RBM44: variants seen among roughly 807,000 people sequenced by gnomAD.
The protein encoded by RBM44 is RNA binding motif protein 44.
Under a neutral mutation model 105.1 loss-of-function variants are expected in RBM44, and 66 were observed. The observed-to-expected ratio is 0.63, with a 90% confidence interval of 0.52 to 0.77. The LOEUF (loss-of-function observed/expected upper bound fraction) is 0.77. Ranked by LOEUF, RBM44 falls within the 30% of genes least tolerant of loss-of-function variation. RBM44 has a pLI of 0.00. For synonymous variants in RBM44, 365 were observed against 417.6 expected, an observed-to-expected ratio of 0.87 and a Z score of 1.54; for missense variants, 1,122 against 1,207.8, an observed-to-expected ratio of 0.93 and a Z score of 1.05.
intron 1 of RBM44, among the ~76,000 whole-genome samples, chr2:237,806,127 G>A (rs2061597428): frequency 6.6e-6 from 1 of 152,160 alleles, no homozygotes; most frequent in Non-Finnish European, 1.5e-5. Flanking sequence ...AAGGAAGTTT[G>A]TCCACCTGAG....
At chr2:237,838,527 G>C (rs2061981018) in intron 15 of RBM44, among the ~76,000 whole-genome samples, 1 of 152,076 alleles carries the variant, frequency 6.6e-6, no homozygotes, top group Non-Finnish European at 1.5e-5. Context: ...ATGTTTTATA[G>C]GTTCTAATAT....
At position 237,817,792 on chromosome 2, in the gene RBM44, C is replaced by A; in HGVS notation, c.873C>A (p.His291Gln). The change falls in exon 3 of 16, where the codon CAC becomes CAA. Residue 291 changes from histidine to glutamine, a missense_variant. His to Gln is a conservative substitution (Grantham distance 24, BLOSUM62 0). Coordinates refer to ENST00000316997, the MANE Select transcript of RBM44 (RefSeq NM_001080504.3). Reference sequence around the variant, plus strand: ...AACAAGAGACTAATTCAATGTACCACACTGTATTTGATGGCAGTGTACTAA... The same window carrying A: ...AACAAGAGACTAATTCAATGTACCAAACTGTATTTGATGGCAGTGTACTAA... Reference protein sequence around the residue: ...YKEQETNSMYHTVFDGSVLRS... With the variant: ...YKEQETNSMYQTVFDGSVLRS... The A allele has an allele frequency of 6.2e-7, 1 of 1,611,670 alleles. No homozygotes were observed. The highest frequency in any genetic ancestry group is 8.5e-7 in the Non-Finnish European group (1 of 1,178,660).
At chr2:237,823,809 CTT>C (rs1055400944) in intron 9 of RBM44, among the ~76,000 whole-genome samples, 7 of 152,022 alleles carry the variant, frequency 4.6e-5, no homozygotes, top group African/African-American at 9.7e-5. Flanking sequence ...AAAATTCTCT[CTT>C]GTATCTAATT....
At chr2:237,832,599 A>G (rs929851931) in intron 13 of RBM44, among the ~76,000 whole-genome samples, 5 of 152,220 alleles carry the variant, frequency 3.3e-5, no homozygotes, top group African/African-American at 1.2e-4. Context: ...AGGGCCGTAC[A>G]GGCTGTTGGT....
At chr2:237,825,761 A>G (rs1362495508) in intron 10 of RBM44, among the ~76,000 whole-genome samples, 1 of 152,094 alleles carries the variant, frequency 6.6e-6, no homozygotes, top group African/African-American at 2.4e-5. Flanking sequence ...GGTATAATGT[A>G]TGTCTTCTGA....
intron 10 of RBM44, 104 bp from the exon 11 acceptor site, chr2:237,827,146 T>G: frequency 1.5e-6 from 1 of 667,572 alleles, no homozygotes; most frequent in South Asian, 2.0e-5. Context: ...TAATAAACTC[T>G]GGGTTAGTAG....
chr2:237,826,278 G>A (rs2061846979), intron 10 of RBM44, among the ~76,000 whole-genome samples: 1 of 152,104 alleles, frequency 6.6e-6, no homozygotes, highest in African/African-American at 2.4e-5. Context: ...CTTCCTGTGT[G>A]CCAGGTATGG....
intron 1 of RBM44, among the ~76,000 whole-genome samples, chr2:237,800,696 TA>T (rs897376754): frequency 5.7e-4 from 85 of 147,866 alleles, no homozygotes; most frequent in African/African-American, 2.1e-3. Flanking sequence ...ATTACCCAAA[TA>T]AAAAAAAATA....
intron 10 of RBM44, 149 bp downstream of exon 10, chr2:237,824,568 A>G (rs1028456280): frequency 4.5e-6 from 3 of 661,934 alleles, no homozygotes; most frequent in Non-Finnish European, 4.8e-6. Context: ...AAGTGAGGAA[A>G]TTGTTCAGTT....
chr2:237,811,182 C>T (rs1233090510), intron 1 of RBM44, among the ~76,000 whole-genome samples: 2 of 152,196 alleles, frequency 1.3e-5, no homozygotes, highest in South Asian at 4.1e-4. Flanking sequence ...TAAACCTCTC[C>T]TCCTCACATA....
At chr2:237,810,690 G>A (rs888641441) in intron 1 of RBM44, among the ~76,000 whole-genome samples, 4 of 152,286 alleles carry the variant, frequency 2.6e-5, no homozygotes, top group Non-Finnish European at 5.9e-5. Context: ...TAGGGCTTAG[G>A]GATATTTATG....
intron 15 of RBM44, among the ~76,000 whole-genome samples, chr2:237,840,187 CAAAAAAAAAAAAA>C (rs34666443): frequency 6.2e-5 from 4 of 64,910 alleles, no homozygotes; most frequent in African/African-American, 1.3e-4. Flanking sequence ...GACTCTATCT[CAAAAAAAAAAAAA>C]AAAAAAAAAA....
intron 1 of RBM44, among the ~76,000 whole-genome samples, chr2:237,804,061 G>A (rs1005780751): frequency 2.6e-5 from 4 of 151,918 alleles, no homozygotes; most frequent in Non-Finnish European, 4.4e-5. Context: ...GTAGAGACAG[G>A]GTTTCACCAT....
intron 13 of RBM44, among the ~76,000 whole-genome samples, chr2:237,833,333 G>A (rs1035065157): frequency 6.6e-6 from 1 of 152,144 alleles, no homozygotes; most frequent in Non-Finnish European, 1.5e-5. Flanking sequence ...TTCCTTTGTT[G>A]AACTTTTATG....
rs184418587 is a variant in RBM44 at position 237,829,265 on chromosome 2, G to A, written c.2649G>A (p.Val883=). The change falls in exon 13 of 16, where the codon GTG becomes GTA. Residue 883 remains valine (V), a synonymous_variant. Coordinates refer to ENST00000316997, the MANE Select transcript of RBM44 (RefSeq NM_001080504.3). ...AAAACAGCGATGCAAAGATAGCTGT[G>A]AAAGAAATGAATGGGATAGAAATAA... ...FTKNSDAKIA[V]KEMNGIEING... is the part of the protein sequence containing the mutation. The A allele has an allele frequency of 1.8e-5, 29 of 1,613,002 alleles. No homozygotes were observed. The highest frequency in any genetic ancestry group is 2.1e-5 in the Non-Finnish European group (25 of 1,179,366).
intron 2 of RBM44, among the ~76,000 whole-genome samples, chr2:237,815,850 G>T (rs1415740463): frequency 6.6e-6 from 1 of 151,350 alleles, no homozygotes; most frequent in African/African-American, 2.4e-5. Flanking sequence ...CTCTGTTTTG[G>T]TACCTGCCTT....
At chr2:237,800,991 T>C (rs535804655) in intron 1 of RBM44, among the ~76,000 whole-genome samples, 1 of 152,276 alleles carries the variant, frequency 6.6e-6, no homozygotes, top group East Asian at 1.9e-4. Flanking sequence ...AGTGTTGGGA[T>C]TACAGGTGTG....
Position 237,842,054 on chromosome 2 carries a change from TAA to T in RBM44, c.*239_*240del, listed in dbSNP as rs1248336181. The stretch of plus-strand genomic sequence containing the variant: ...TTTAAAGTTAAAATATAATTTTTAA[TAA>T]GTTTTTAAATTTTTTTATTTCAATT... On this transcript the variant is annotated 3_prime_UTR_variant, in exon 16 of 16. Coordinates refer to ENST00000316997, the MANE Select transcript of RBM44 (RefSeq NM_001080504.3). 2.6e-5 allele frequency: 4 copies of T among 152,198 alleles called. No individual in the cohort carries two copies. Among genetic ancestry groups the T allele is most frequent in the African/African-American group, 7.2e-5 (3 of 41,586 alleles). The allele number at this position is 152,198 out of a possible 1,614,324, so 9.4% of individuals were successfully genotyped here.
At chr2:237,840,652 G>A (rs1405084683) in intron 15 of RBM44, among the ~76,000 whole-genome samples, 1 of 152,126 alleles carries the variant, frequency 6.6e-6, no homozygotes, top group Non-Finnish European at 1.5e-5. Flanking sequence ...CACAGAATAT[G>A]AGAAAATATT....
Sources: gnomAD v4.1 joint callset for allele counts (sites outside exome capture counted in the v4.1 genomes callset) on GRCh38, gnomAD v4.1.1 for gene constraint, MANE v1.5 for transcripts, NCBI Gene and HGNC (gene_info 2026-07-23, HGNC 2026-07-21) for gene names.